Variants in CADM2 observed in about 807,000 individuals in gnomAD.
CADM2 encodes the protein immunoglobulin superfamily member 4D.
A neutral mutation model predicts 49.8 loss-of-function variants in CADM2; 12 were observed. The ratio of observed to expected loss-of-function variants is 0.24; its 90% confidence interval spans 0.15 to 0.39. The LOEUF is 0.39. Among genes scored for constraint, CADM2 ranks in the 10% least tolerant of loss-of-function variants. CADM2 has a pLI of 1.00. For missense variants in CADM2, 378 were observed against 492.3 expected (o/e 0.77, Z 2.20); for synonymous variants, 214 against 175.4 (o/e 1.22, Z -1.74).
rs1576421768 is a variant in CADM2 at position 85,363,746 on chromosome 3, G to C, written c.62-362776G>C. Among the ~76,000 whole-genome samples, 3 of 152,134 alleles carry C rather than the reference G, an allele frequency of 2.0e-5. No individual in the cohort carries two copies. The South Asian group carries it at 6.2e-4, about 32-fold the overall frequency. On this transcript the variant is annotated intron_variant, in intron 1 of 9. Transcript: ENST00000383699. ...CCTGCCTCAGCCTCCCGAATAGCTG[G>C]GACTACAGGCGCCCGCCACCGCGCC...
At chr3:85,429,787 A>T in intron 1 of CADM2, among the ~76,000 whole-genome samples, 1 of 152,184 alleles carries the variant, frequency 6.6e-6, no homozygotes, top group East Asian at 1.9e-4. Context: ...GTCAAATCTG[A>T]CCCACTTCCT....
intron 7 of CADM2, among the ~76,000 whole-genome samples, chr3:85,959,416 T>A (rs1724538640): frequency 6.6e-6 from 1 of 151,820 alleles, no homozygotes; most frequent in African/African-American, 2.4e-5. Flanking sequence ...TCACCTCAGC[T>A]CCCTGGAGGT....
rs531334994 is a variant in CADM2 at position 85,911,093 on chromosome 3, T to G, written c.530-1280T>G. Among the ~76,000 whole-genome samples the G allele has an allele frequency of 3.7e-3, 560 of 152,252 alleles. 2 individuals are homozygous for G. The highest frequency in any genetic ancestry group is 0.013 in the African/African-American group (536 of 41,576). On this transcript the variant is annotated intron_variant, in intron 5 of 9. Transcript: ENST00000383699. ...TTAAAATCAAATTATGTATTTTATG[T>G]GAAAGGTCTTATTTACTGACAATAT...
chr3:85,024,889 A>G (rs576848611), intron 1 of CADM2, among the ~76,000 whole-genome samples: 2 of 152,134 alleles, frequency 1.3e-5, no homozygotes, highest in Non-Finnish European at 2.9e-5. Context: ...AAATTAAAGA[A>G]GCTTCTTAAT....
At chr3:85,157,034 A>G (rs536422901) in intron 1 of CADM2, among the ~76,000 whole-genome samples, 1 of 152,304 alleles carries the variant, frequency 6.6e-6, no homozygotes, top group African/African-American at 2.4e-5. Context: ...AAGCATTCTT[A>G]TACACCAACA....
At chr3:85,066,914 T>G (rs1422066465) in intron 1 of CADM2, among the ~76,000 whole-genome samples, 2 of 152,168 alleles carry the variant, frequency 1.3e-5, no homozygotes, top group Non-Finnish European at 2.9e-5. Context: ...TTCTTGTTTA[T>G]TATCTCTTAT....
intron 7 of CADM2, among the ~76,000 whole-genome samples, chr3:85,944,846 C>T (rs923247333): frequency 8.6e-5 from 13 of 151,696 alleles, no homozygotes; most frequent in Non-Finnish European, 1.9e-4. Context: ...AAATTGACAC[C>T]CTAATATCAC....
chr3:85,234,113 TA>T (rs1356877319), intron 1 of CADM2, among the ~76,000 whole-genome samples: 1 of 152,058 alleles, frequency 6.6e-6, no homozygotes, highest in South Asian at 2.1e-4. Context: ...CAGAAATTAG[TA>T]AATTTCCCAA....
intron 1 of CADM2, among the ~76,000 whole-genome samples, chr3:85,522,073 T>C (rs1188121965): frequency 1.3e-5 from 2 of 152,162 alleles, no homozygotes; most frequent in Non-Finnish European, 2.9e-5. Context: ...CTTTGTATTT[T>C]TGTAGAAGTC....
intron 8 of CADM2, among the ~76,000 whole-genome samples, chr3:86,006,270 G>T (rs747752555): frequency 2.0e-4 from 30 of 152,072 alleles, no homozygotes; most frequent in Non-Finnish European, 3.7e-4. Context: ...AATTAATATG[G>T]GATGTTCCTC....
chr3:85,549,350 A>T (rs1215562328), intron 1 of CADM2, among the ~76,000 whole-genome samples: 1 of 152,188 alleles, frequency 6.6e-6, no homozygotes, highest in East Asian at 1.9e-4. Context: ...GAAAAAAACA[A>T]ATTGAGACAC....
intron 2 of CADM2, among the ~76,000 whole-genome samples, chr3:85,742,063 C>T (rs761094053): frequency 7.2e-5 from 11 of 152,162 alleles, no homozygotes; most frequent in Non-Finnish European, 1.3e-4. Flanking sequence ...AAATAAAGGA[C>T]GTTTTCCAGC....
intron 1 of CADM2, among the ~76,000 whole-genome samples, chr3:85,183,781 G>C (rs1486837928): frequency 1.3e-5 from 2 of 152,118 alleles, no homozygotes; most frequent in African/African-American, 4.8e-5. Flanking sequence ...CGAATTTGTA[G>C]AACATAGCTC....
chr3:85,582,223 C>T (rs918547949), intron 1 of CADM2, among the ~76,000 whole-genome samples: 1 of 151,782 alleles, frequency 6.6e-6, no homozygotes, highest in African/African-American at 2.4e-5. Flanking sequence ...CACGCCTGGC[C>T]CTTAATTTGA....
chr3:85,078,749 C>A (rs1452528557), intron 1 of CADM2, among the ~76,000 whole-genome samples: 2 of 151,280 alleles, frequency 1.3e-5, no homozygotes, highest in Non-Finnish European at 3.0e-5. Flanking sequence ...GCCGGTAACC[C>A]CATTGAGCAT....
intron 1 of CADM2, among the ~76,000 whole-genome samples, chr3:85,178,365 A>G (rs1176310073): frequency 6.6e-6 from 1 of 151,940 alleles, no homozygotes; most frequent in Non-Finnish European, 1.5e-5. Flanking sequence ...TAAAAATATT[A>G]TTTGGGATAA....
At chr3:85,164,415 C>A (rs2040414524) in intron 1 of CADM2, among the ~76,000 whole-genome samples, 1 of 152,038 alleles carries the variant, frequency 6.6e-6, no homozygotes, top group Admixed American at 6.6e-5. Flanking sequence ...GTGGTTAAAT[C>A]TTTGCTCCTA....
intron 1 of CADM2, among the ~76,000 whole-genome samples, chr3:85,718,734 A>G (rs1390272909): frequency 1.3e-5 from 2 of 151,994 alleles, no homozygotes; most frequent in South Asian, 2.1e-4. Context: ...TTCAGTATTT[A>G]TAAAGTGAGA....
At chr3:85,648,070 T>C (rs2064940286) in intron 1 of CADM2, among the ~76,000 whole-genome samples, 2 of 152,082 alleles carry the variant, frequency 1.3e-5, no homozygotes, top group African/African-American at 2.4e-5. Flanking sequence ...AACACTTTGG[T>C]CTAAACTTTA....
Sources: gnomAD v4.1 joint callset for allele counts (sites outside exome capture counted in the v4.1 genomes callset) on GRCh38, gnomAD v4.1.1 for gene constraint, MANE v1.5 for transcripts, NCBI Gene and HGNC (gene_info 2026-07-23, HGNC 2026-07-21) for gene names.